Variants in FNDC3B observed in about 807,000 individuals in gnomAD.
FNDC3B encodes fibronectin type III domain-containing protein 3B.
Under a neutral mutation model 151.5 loss-of-function variants are expected in FNDC3B, and 12 were observed. That is an observed-to-expected ratio of 0.08 (90% CI 0.05 to 0.13). The LOEUF is 0.13. FNDC3B is among the 10% of genes least tolerant of loss of function. The pLI is 1.00. For synonymous variants in FNDC3B, 528 were observed against 549.0 expected (o/e 0.96, Z 0.54); for missense variants, 1,214 against 1,505.3 (o/e 0.81, Z 3.20).
At chr3:172,335,952 T>C (rs557392386) in intron 15 of FNDC3B, 2 of 152,228 alleles carry the variant, frequency 1.3e-5, no homozygotes, top group African/African-American at 4.8e-5. Flanking sequence ...AGGATTTCTG[T>C]TTCCCCAAGA....
chr3:172,274,740 G>T (rs1729355430), intron 6 of FNDC3B, among the ~76,000 whole-genome samples: 1 of 152,078 alleles, frequency 6.6e-6, no homozygotes, highest in African/African-American at 2.4e-5. Context: ...CATGAGGGAA[G>T]GATCTATTCT....
In FNDC3B at chr3:172,340,809, G is replaced by C. The variant is rs530440388; in HGVS notation, c.1853-304G>C. ...GATAGCTTGCCCACCCCTGTTCTGT[G>C]TCTCCTACCACTCCCTCCATGCCAG... is the stretch of plus-strand genomic sequence containing the variant. On this transcript the variant is annotated intron_variant, in intron 16 of 25. Transcript: ENST00000415807. Among the ~76,000 whole-genome samples the C allele has an allele frequency of 3.9e-5, 6 of 152,228 alleles. No individual in the cohort carries two copies. The East Asian group carries it at 1.2e-3, about 29-fold the overall frequency.
intron 5 of FNDC3B, among the ~76,000 whole-genome samples, chr3:172,248,079 C>G (rs879391185): frequency 6.6e-6 from 1 of 152,174 alleles, no homozygotes; most frequent in Admixed American, 6.5e-5. Flanking sequence ...TGACATCGTT[C>G]CCATGTCCTG....
chr3:172,160,982 A>G (rs916063478), intron 3 of FNDC3B, among the ~76,000 whole-genome samples: 1 of 152,238 alleles, frequency 6.6e-6, no homozygotes, highest in African/African-American at 2.4e-5. Flanking sequence ...ACAGCATAAG[A>G]TTACCAAAAA....
intron 1 of FNDC3B, among the ~76,000 whole-genome samples, chr3:172,080,114 G>A (rs903098598): frequency 3.9e-5 from 6 of 152,204 alleles, no homozygotes; most frequent in South Asian, 2.1e-4. Flanking sequence ...TAAAAAAAAA[G>A]GGGTACTACC....
rs902731765 is a variant in FNDC3B, at chr3:172,400,602, A to T, written c.*3127A>T. On this transcript the variant is annotated 3_prime_UTR_variant, in exon 26 of 26. Coordinates refer to ENST00000415807, the MANE Select transcript of FNDC3B (RefSeq NM_022763.4). ...AACTGCCATATCAATTTTAATGTAT[A>T]GATTTTGCAAATATTATGCTATATG... The T allele has an allele frequency of 6.6e-6, 1 of 152,642 alleles. No individual in the cohort carries two copies. Among genetic ancestry groups the T allele is most frequent in the Non-Finnish European group, 1.5e-5 (1 of 68,038 alleles). The allele number at this position is 152,642 out of a possible 1,614,324, so 9.5% of individuals were successfully genotyped here.
chr3:172,112,611 A>G, intron 2 of FNDC3B, 21 bp downstream of exon 2: 1 of 1,498,624 alleles, frequency 6.7e-7, no homozygotes, highest in Non-Finnish European at 9.3e-7. Flanking sequence ...GAAGAGGGAA[A>G]TTTAAGTCAA....
intron 13 of FNDC3B, among the ~76,000 whole-genome samples, chr3:172,331,021 A>C (rs139104718): frequency 4.5e-4 from 68 of 152,292 alleles, no homozygotes; most frequent in Non-Finnish European, 3.1e-4. Flanking sequence ...CACAGCTACT[A>C]TCCTTTTATG....
intron 22 of FNDC3B, among the ~76,000 whole-genome samples, chr3:172,356,628 C>T (rs1441480487): frequency 1.3e-5 from 2 of 152,186 alleles, no homozygotes; most frequent in Non-Finnish European, 2.9e-5. Flanking sequence ...GGAGCAGGAG[C>T]TTGGTGGGAG....
chr3:172,290,049 C>T (rs1730243590), intron 7 of FNDC3B, among the ~76,000 whole-genome samples: 1 of 152,150 alleles, frequency 6.6e-6, no homozygotes, highest in African/African-American at 2.4e-5. Context: ...AGGTATCAGG[C>T]CATCTGACAG....
intron 7 of FNDC3B, among the ~76,000 whole-genome samples, chr3:172,289,008 C>A (rs569634382): frequency 4.9e-4 from 75 of 152,330 alleles, no homozygotes; most frequent in African/African-American, 1.8e-3. Context: ...CTATATGTTT[C>A]CTATTGCTGC....
intron 3 of FNDC3B, among the ~76,000 whole-genome samples, chr3:172,161,484 A>G: frequency 6.6e-6 from 1 of 152,244 alleles, no homozygotes; most frequent in Admixed American, 6.5e-5. Context: ...TCTGATGAAT[A>G]GAATCAAAAC....
At chr3:172,139,725 C>T (rs1721524347) in intron 3 of FNDC3B, among the ~76,000 whole-genome samples, 1 of 151,904 alleles carries the variant, frequency 6.6e-6, no homozygotes, top group Admixed American at 6.6e-5. Flanking sequence ...TTGTTTTCTA[C>T]ATAAGAAACT....
At chr3:172,084,486 TAC>T (rs58030452) in intron 1 of FNDC3B, among the ~76,000 whole-genome samples, 18 of 149,426 alleles carry the variant, frequency 1.2e-4, no homozygotes, top group African/African-American at 4.0e-4. Flanking sequence ...CACACACACA[TAC>T]ACACACACAC....
chr3:172,116,899 C>T (rs149343535), intron 2 of FNDC3B, among the ~76,000 whole-genome samples: 2,212 of 152,238 alleles, frequency 0.015, 56 homozygotes, highest in African/African-American at 0.051. Context: ...ATTCATATTG[C>T]AGCATGTGTC....
At chr3:172,343,212 G>C in intron 18 of FNDC3B, 96 bp downstream of exon 18, 2 of 721,394 alleles carry the variant, frequency 2.8e-6, no homozygotes, top group East Asian at 5.2e-5. Flanking sequence ...TTCTTCTAAA[G>C]ACCATATACG....
At chr3:172,213,568 A>G (rs79036144) in intron 3 of FNDC3B, among the ~76,000 whole-genome samples, 3,332 of 152,300 alleles carry the variant, frequency 0.022, 128 homozygotes, top group African/African-American at 0.075. Flanking sequence ...TATATCATGC[A>G]TATCATTTGT....
At chr3:172,116,915 T>C (rs776489667) in intron 2 of FNDC3B, among the ~76,000 whole-genome samples, 1 of 152,220 alleles carries the variant, frequency 6.6e-6, no homozygotes, top group Non-Finnish European at 1.5e-5. Flanking sequence ...GTGTCAGTAC[T>C]GTATTCCTTT....
intron 3 of FNDC3B, among the ~76,000 whole-genome samples, chr3:172,219,650 C>T (rs915486782): frequency 6.6e-6 from 1 of 152,196 alleles, no homozygotes; most frequent in African/African-American, 2.4e-5. Context: ...CAGCCTTTGG[C>T]AACCACCAAT....
Sources: allele counts gnomAD v4.1 joint callset (sites outside exome capture counted in the v4.1 genomes callset), GRCh38; gene constraint gnomAD v4.1.1; transcripts MANE v1.5; gene names NCBI Gene and HGNC (gene_info 2026-07-23, HGNC 2026-07-21).